Variants in TMC2 observed in about 807,000 individuals in gnomAD.
TMC2 encodes the protein transmembrane channel-like protein 2.
Under a neutral mutation model 105.9 loss-of-function variants are expected in TMC2, and 102 were observed. That is an observed-to-expected ratio of 0.96 (90% CI 0.82 to 1.14). The LOEUF (loss-of-function observed/expected upper bound fraction) is 1.14. Among genes scored for constraint, TMC2 ranks in the 50% most tolerant of loss-of-function variants. The probability of loss-of-function intolerance (pLI) is 0.00; values close to 1 mark genes in which losing one functional copy is unlikely to be tolerated. For synonymous variants in TMC2, 402 were observed against 422.8 expected, an observed-to-expected ratio of 0.95 and a Z score of 0.60; for missense variants, 1,093 against 1,134.3, an observed-to-expected ratio of 0.96 and a Z score of 0.52.
intron 5 of TMC2, among the ~76,000 whole-genome samples, chr20:2,576,350 A>G (rs6115017): frequency 0.17 from 26,434 of 152,092 alleles, 3,624 homozygotes; most frequent in African/African-American, 0.38. Context: ...AAGAGAATCC[A>G]TGCCAGAGCA....
At chr20:2,550,590 A>G (rs368848314) in intron 2 of TMC2, among the ~76,000 whole-genome samples, 32 of 152,250 alleles carry the variant, frequency 2.1e-4, no homozygotes, top group African/African-American at 7.7e-4. Context: ...TCACAGTATG[A>G]CACAGAATAA....
intron 1 of TMC2, 116 bp downstream of exon 1, chr20:2,536,771 A>G: frequency 8.5e-7 from 1 of 1,172,096 alleles, no homozygotes; most frequent in Non-Finnish European, 1.2e-6. Context: ...GTTTGAGTCC[A>G]GGGCCTGTCC....
chr20:2,572,285 G>A lies in TMC2; in HGVS notation c.645+16G>A. On this transcript the variant is annotated intron_variant, in intron 5 of 19. Coordinates refer to ENST00000358864, the MANE Select transcript of TMC2 (RefSeq NM_080751.3). Reference sequence around the variant, plus strand: ...GATGGCCAAGGTGTGTGGGGTGGGGGCAGTGAATCTGTTGGGAGGGCTTGC... The same window carrying A: ...GATGGCCAAGGTGTGTGGGGTGGGGACAGTGAATCTGTTGGGAGGGCTTGC... 1 of 1,593,540 alleles carries A rather than the reference G, an allele frequency of 6.3e-7. No individual in the cohort carries two copies.
intron 2 of TMC2, among the ~76,000 whole-genome samples, chr20:2,555,747 C>T (rs1034455123): frequency 2.6e-5 from 4 of 152,134 alleles, no homozygotes; most frequent in Admixed American, 6.6e-5. Flanking sequence ...CTGCCTTCTG[C>T]AGTTTTGATT....
rs764062444 is a variant in TMC2 at position 2,610,524 on chromosome 20, G to A, written c.1519G>A (p.Gly507Arg). ...HPRTGLKWQL[G>R]RIFALFLGNL... Reference sequence around the variant, plus strand: ...ACGCACTGGACTGAAGTGGCAGCTGGGACGCATCTTTGCACTCTTCCTGGG... The same window carrying A: ...ACGCACTGGACTGAAGTGGCAGCTGAGACGCATCTTTGCACTCTTCCTGGG... The change falls in exon 12 of 20, where the codon GGA becomes AGA. Residue 507 changes from glycine (G) to arginine (R), a missense_variant. Coordinates refer to ENST00000358864, the MANE Select transcript of TMC2 (RefSeq NM_080751.3). The A allele has an allele frequency of 1.2e-6, 2 of 1,613,602 alleles. No homozygotes were observed. The highest frequency in any genetic ancestry group is 2.7e-5 in the African/African-American group (2 of 74,830).
chr20:2,584,280 T>TA (rs2086215917), intron 7 of TMC2, among the ~76,000 whole-genome samples: 1 of 149,488 alleles, frequency 6.7e-6, no homozygotes, highest in African/African-American at 2.5e-5. Context: ...CCGTCTCTAC[T>TA]AAAAATACAA....
rs183070874 is a variant in TMC2, at chr20:2,628,715, G to A, written c.2306+4319G>A. On this transcript the variant is annotated intron_variant, in intron 17 of 19. Transcript: ENST00000358864. ...TTCACCTTCCACCTGTAAGTTTCCTGAGGCCTCACCAGCCATGCTGAACAG... is the reference window on the plus strand; with the variant it reads ...TTCACCTTCCACCTGTAAGTTTCCTAAGGCCTCACCAGCCATGCTGAACAG... Among the ~76,000 whole-genome samples the A allele has an allele frequency of 2.4e-3, 371 of 152,294 alleles. 3 individuals are homozygous for A. The highest frequency in any genetic ancestry group is 8.3e-3 in the African/African-American group (345 of 41,548).
chr20:2,589,359 T>C (rs2086253595), intron 7 of TMC2, among the ~76,000 whole-genome samples: 1 of 147,960 alleles, frequency 6.8e-6, no homozygotes, highest in African/African-American at 2.5e-5. Context: ...CCGGCTGGTC[T>C]TGAACTCCTG....
chr20:2,547,257 A>G (rs995654595), intron 2 of TMC2, among the ~76,000 whole-genome samples: 1 of 152,196 alleles, frequency 6.6e-6, no homozygotes, highest in Non-Finnish European at 1.5e-5. Flanking sequence ...CAAATTAAAG[A>G]GGAAACATTG....
intron 5 of TMC2, among the ~76,000 whole-genome samples, chr20:2,574,262 G>A (rs1242096207): frequency 6.6e-6 from 1 of 151,974 alleles, no homozygotes. Context: ...CCACAGACAC[G>A]TTTGATTTTC....
At chr20:2,630,302 G>A (rs1164614396) in intron 17 of TMC2, among the ~76,000 whole-genome samples, 1 of 152,104 alleles carries the variant, frequency 6.6e-6, no homozygotes. Context: ...TGAATTTCCA[G>A]CTATTATTAT....
chr20:2,555,221 C>A (rs941450177), intron 2 of TMC2, among the ~76,000 whole-genome samples: 4 of 152,156 alleles, frequency 2.6e-5, no homozygotes, highest in Non-Finnish European at 4.4e-5. Context: ...GCTGAGATTA[C>A]AGGCATGCGC....
intron 2 of TMC2, among the ~76,000 whole-genome samples, chr20:2,552,513 T>C (rs866657555): frequency 8.5e-5 from 13 of 152,090 alleles, no homozygotes; most frequent in African/African-American, 3.1e-4. Flanking sequence ...TATATATAAG[T>C]TTCATTTATT....
chr20:2,621,017 G>C (rs1195680598), intron 16 of TMC2, among the ~76,000 whole-genome samples: 1 of 152,070 alleles, frequency 6.6e-6, no homozygotes, highest in Non-Finnish European at 1.5e-5. Flanking sequence ...TCTTGAGATG[G>C]GGATATCATC....
intron 11 of TMC2, among the ~76,000 whole-genome samples, chr20:2,606,571 A>T (rs910878137): frequency 5.3e-5 from 8 of 152,154 alleles, no homozygotes; most frequent in South Asian, 2.1e-4. Context: ...AAAAGTTTTT[A>T]AAAATGTTAG....
At chr20:2,583,531 C>G (rs2086210315) in intron 7 of TMC2, among the ~76,000 whole-genome samples, 1 of 151,032 alleles carries the variant, frequency 6.6e-6, no homozygotes, top group Admixed American at 6.6e-5. Context: ...GGCATGATCT[C>G]AGCTCACTGC....
intron 4 of TMC2, among the ~76,000 whole-genome samples, chr20:2,569,139 A>G (rs2086085191): frequency 6.6e-6 from 1 of 152,224 alleles, no homozygotes. Context: ...CCCTGGTCAT[A>G]GTATTTGCTG....
chr20:2,567,259 C>T (rs944491362), intron 4 of TMC2, among the ~76,000 whole-genome samples: 4 of 152,228 alleles, frequency 2.6e-5, no homozygotes, highest in Admixed American at 6.5e-5. Flanking sequence ...AGGAGCTTCT[C>T]CTCAGCCTCA....
intron 2 of TMC2, among the ~76,000 whole-genome samples, 194 bp downstream of exon 2, chr20:2,537,510 C>T (rs985045090): frequency 1.3e-5 from 2 of 152,194 alleles, no homozygotes; most frequent in Non-Finnish European, 2.9e-5. Flanking sequence ...GAAGGTGCTG[C>T]TCAGCCCTCG....
Sources: allele counts gnomAD v4.1 joint callset (sites outside exome capture counted in the v4.1 genomes callset), GRCh38; gene constraint gnomAD v4.1.1; transcripts MANE v1.5; gene names NCBI Gene and HGNC (gene_info 2026-07-23, HGNC 2026-07-21).